The following REEP5 variants were observed in gnomAD, a reference collection of about 807,000 sequenced individuals.
The protein encoded by REEP5 is receptor expression-enhancing protein 5.
A neutral mutation model predicts 22.4 loss-of-function variants in REEP5; 24 were observed. That is an observed-to-expected ratio of 1.07 (90% CI 0.78 to 1.51). REEP5 has a LOEUF of 1.51. REEP5 is among the 40% of genes most tolerant of loss of function. REEP5 has a pLI of 0.00. For synonymous variants in REEP5, 103 were observed against 88.6 expected, an observed-to-expected ratio of 1.16 and a Z score of -0.92; for missense variants, 252 against 233.0, an observed-to-expected ratio of 1.08 and a Z score of -0.53.
chr5:112,880,698 A>G (rs1247913512), intron 4 of REEP5, among the ~76,000 whole-genome samples: 1 of 152,234 alleles, frequency 6.6e-6, no homozygotes, highest in African/African-American at 2.4e-5. Context: ...ATAACAAAGT[A>G]AGATTGGATT....
chr5:112,900,673 G>A (rs1393728895), intron 3 of REEP5, among the ~76,000 whole-genome samples: 1 of 151,996 alleles, frequency 6.6e-6, no homozygotes, highest in Non-Finnish European at 1.5e-5. Context: ...TGGTTCCTGT[G>A]TGCCTGGGGC....
chr5:112,878,894 G>A (rs1192913942), intron 4 of REEP5, 59 bp from the exon 5 acceptor site: 1 of 1,612,908 alleles, frequency 6.2e-7, no homozygotes, highest in Non-Finnish European at 8.5e-7. Flanking sequence ...TGGAATGCAA[G>A]CTTGCAAGCT....
intron 3 of REEP5, chr5:112,893,979 G>A (rs143493580): frequency 6.6e-6 from 1 of 152,282 alleles, no homozygotes; most frequent in East Asian, 1.9e-4. Context: ...CCAAAATGGA[G>A]AATTAAATGA....
In REEP5 at chr5:112,887,119, C is replaced by G; in HGVS notation, c.416G>C (p.Arg139Pro). 4 of 1,613,428 alleles carry G rather than the reference C, an allele frequency of 2.5e-6. No individual in the cohort carries two copies. The highest frequency in any genetic ancestry group is 1.8e-4 in the Middle Eastern group (1 of 5,650). Reference sequence around the variant, plus strand: ...CTTCAGGAAGAAAGGACGGATGATGCGCTTGTAGAGCAGTTCAGCCCCATT... The same window carrying G: ...CTTCAGGAAGAAAGGACGGATGATGGGCTTGTAGAGCAGTTCAGCCCCATT... ...PSNGAELLYK[R>P]IIRPFFLKHE... Residue 139 changes from arginine to proline, a missense_variant, in exon 4 of 5, where the codon CGC becomes CCC. Coordinates refer to ENST00000379638, the MANE Select transcript of REEP5 (RefSeq NM_005669.5).
intron 3 of REEP5, chr5:112,893,308 G>A (rs1044983504): frequency 2.1e-5 from 5 of 236,772 alleles, no homozygotes; most frequent in Admixed American, 1.6e-4. Flanking sequence ...TACTTGGGAA[G>A]CTGAGGCAGG....
In REEP5 at chr5:112,909,335, TTAATTATAGTACAGTAA is replaced by T. The variant is rs1376257400; in HGVS notation, c.213-6834_213-6818del. Among the ~76,000 whole-genome samples the T allele has an allele frequency of 4.0e-5, 6 of 151,148 alleles. No homozygotes were observed. In the South Asian group the frequency reaches 1.3e-3, roughly 32 times the overall value. ...TCAGTAAATACTCCCTTAACAGGTATTAATTATAGTACAGTAATAACTTATTATTATAGGGAGATAAA... is the reference window on the plus strand; with the variant it reads ...TCAGTAAATACTCCCTTAACAGGTATTAACTTATTATTATAGGGAGATAAA... On this transcript the variant is annotated intron_variant, in intron 2 of 4. Transcript: ENST00000379638.
chr5:112,882,230 C>A (rs1768100334), intron 4 of REEP5, among the ~76,000 whole-genome samples: 1 of 152,112 alleles, frequency 6.6e-6, no homozygotes, highest in Non-Finnish European at 1.5e-5. Context: ...ACCAATACTG[C>A]AGTCCCTCCA....
chr5:112,883,611 C>T (rs564487782), intron 4 of REEP5, among the ~76,000 whole-genome samples: 2 of 152,276 alleles, frequency 1.3e-5, no homozygotes, highest in South Asian at 4.2e-4. Flanking sequence ...CTCATCTAGT[C>T]TCATGCTTAA....
intron 2 of REEP5, among the ~76,000 whole-genome samples, chr5:112,918,213 G>C (rs559068128): frequency 6.6e-6 from 1 of 152,270 alleles, no homozygotes; most frequent in African/African-American, 2.4e-5. Context: ...TGTTCTCAAA[G>C]AGCTCAAAGG....
In REEP5 at chr5:112,902,445, A is replaced by G. The variant is rs989830940; in HGVS notation, c.286T>C (p.Phe96Leu). The change falls in exon 3 of 5, where the codon TTC becomes CTC. Residue 96 changes from phenylalanine to leucine, a missense_variant. Phe to Leu is a conservative substitution (Grantham distance 22). Transcript: ENST00000379638. ...WLTYWVVYGVFSIAEFFSDIF... is the reference protein window; with the variant it reads ...WLTYWVVYGVLSIAEFFSDIF... Reference sequence around the variant, plus strand: ...TCAGAGAAGAATTCAGCAATGCTGAACACACCATACACTACCCAGTAGGTC... The same window carrying G: ...TCAGAGAAGAATTCAGCAATGCTGAGCACACCATACACTACCCAGTAGGTC... The G allele has an allele frequency of 3.1e-6, 5 of 1,613,662 alleles. No homozygotes were observed. Among genetic ancestry groups the G allele is most frequent in the Non-Finnish European group, 4.2e-6 (5 of 1,179,832 alleles).
Position 112,921,773 on chromosome 5 carries a change from G to T in REEP5, c.118+300C>A, listed in dbSNP as rs1769376826. On this transcript the variant is annotated intron_variant, in intron 1 of 4. Coordinates refer to ENST00000379638, the MANE Select transcript of REEP5 (RefSeq NM_005669.5). ...CCCGCCGTCCGCGCCCACCGCGCAG[G>T]ACAGCAGGAATAGGGCGCCGGGCCG... The T allele has an allele frequency of 1.4e-5, 4 of 290,726 alleles. No individual in the cohort carries two copies. In the South Asian group the frequency reaches 1.9e-4, roughly 14 times the overall value. The allele number at this position is 290,726 out of a possible 1,614,324, so 18.0% of individuals were successfully genotyped here. A position where few individuals can be genotyped will look rare whatever the true frequency, so the allele number is the denominator to read the frequency against.
chr5:112,907,140 T>C (rs1451672493), intron 2 of REEP5, among the ~76,000 whole-genome samples: 3 of 152,210 alleles, frequency 2.0e-5, no homozygotes, highest in Non-Finnish European at 2.9e-5. Context: ...AGCTGGAACT[T>C]CAGCCTGCAC....
intron 3 of REEP5, chr5:112,892,629 C>G (rs1353883383): frequency 7.4e-6 from 12 of 1,614,136 alleles, no homozygotes; most frequent in Non-Finnish European, 1.0e-5. Flanking sequence ...GAGGAAAACA[C>G]TGCAACTTTC....
At chr5:112,911,534 A>C (rs1481466415) in intron 2 of REEP5, among the ~76,000 whole-genome samples, 1 of 152,232 alleles carries the variant, frequency 6.6e-6, no homozygotes, top group Non-Finnish European at 1.5e-5. Flanking sequence ...TTTCAGACAC[A>C]ATAAATCCAT....
At position 112,902,429 on chromosome 5, in the gene REEP5, A is replaced by T. The variant is rs773387810; in HGVS notation, c.302T>A (p.Phe101Tyr). The change falls in exon 3 of 5, where the codon TTC becomes TAC. Residue 101 changes from phenylalanine to tyrosine, a missense_variant. Transcript: ENST00000379638. ...VVYGVFSIAE[F>Y]FSDIFLSWFP... The stretch of plus-strand genomic sequence containing the variant: ...CCATGACAGGAAGATATCAGAGAAG[A>T]ATTCAGCAATGCTGAACACACCATA... The T allele has an allele frequency of 6.2e-7, 1 of 1,613,352 alleles. No individual in the cohort carries two copies. The highest frequency in any genetic ancestry group is 8.5e-7 in the Non-Finnish European group (1 of 1,179,788).
At chr5:112,914,351 G>C (rs540211540) in intron 2 of REEP5, among the ~76,000 whole-genome samples, 2 of 150,954 alleles carry the variant, frequency 1.3e-5, no homozygotes, top group African/African-American at 4.9e-5. Context: ...TCAAGCTCAG[G>C]TGATTCTCCC....
chr5:112,902,532 C>T lies in REEP5; in HGVS notation c.213-14G>A, dbSNP rs749057965. 9.0e-6 allele frequency: 14 copies of T among 1,562,826 alleles called. No homozygotes were observed. The South Asian group carries it at 1.5e-4, about 16-fold the overall frequency. On this transcript the variant is annotated splice_polypyrimidine_tract_variant and intron_variant, in intron 2 of 4. Transcript: ENST00000379638. ...ATAGCTTTAATTCTGAAAGGCAGTA[C>T]AAAAGAAAGTATATCATTTGGTAAG...
At chr5:112,915,564 G>T (rs1442967527) in intron 2 of REEP5, among the ~76,000 whole-genome samples, 1 of 152,208 alleles carries the variant, frequency 6.6e-6, no homozygotes, top group African/African-American at 2.4e-5. Flanking sequence ...ATGTTTAAAT[G>T]CTTAAGATTT....
At chr5:112,905,478 T>A (rs1288626331) in intron 2 of REEP5, among the ~76,000 whole-genome samples, 1 of 151,210 alleles carries the variant, frequency 6.6e-6, no homozygotes, top group African/African-American at 2.4e-5. Context: ...GAGGCGGGGG[T>A]TGCAGTGAGC....
Sources: allele counts gnomAD v4.1 joint callset (sites outside exome capture counted in the v4.1 genomes callset), GRCh38; gene constraint gnomAD v4.1.1; transcripts MANE v1.5; gene names NCBI Gene and HGNC (gene_info 2026-07-23, HGNC 2026-07-21).